MYH14: variants seen among roughly 807,000 people sequenced by gnomAD.
MYH14 encodes the protein myosin-14.
MYH14 carries 123 observed loss-of-function variants against 255.5 expected under a neutral mutation model. The observed-to-expected ratio is 0.48, with a 90% CI of 0.42 to 0.56. The LOEUF is 0.56. Ranked by LOEUF, MYH14 falls within the 20% of genes least tolerant of loss-of-function variation. The pLI, the probability that MYH14 is intolerant of heterozygous loss-of-function variation, is 0.00. For synonymous variants in MYH14, 1,095 were observed against 1,161.2 expected (o/e 0.94, Z 1.16); for missense variants, 2,423 against 2,802.3 (o/e 0.86, Z 3.06).
At chr19:50,243,756 C>T (rs1030488824) in intron 10 of MYH14, among the ~76,000 whole-genome samples, 1 of 152,228 alleles carries the variant, frequency 6.6e-6, no homozygotes, top group Non-Finnish European at 1.5e-5. Context: ...TCCTGTTTTT[C>T]ACTCATTGTG....
At chr19:50,275,789 G>T (rs915315028) in intron 27 of MYH14, among the ~76,000 whole-genome samples, 3 of 152,232 alleles carry the variant, frequency 2.0e-5, no homozygotes, top group Non-Finnish European at 4.4e-5. Context: ...CTGCACCACT[G>T]CACTCCAGCA....
intron 39 of MYH14, among the ~76,000 whole-genome samples, chr19:50,300,963 A>T (rs546333912): frequency 6.6e-6 from 1 of 151,356 alleles, no homozygotes; most frequent in South Asian, 2.1e-4. Flanking sequence ...AAAAAAAAAA[A>T]CCCCACAAAG....
At chr19:50,284,072 C>CA (rs1197438714) in intron 33 of MYH14, among the ~76,000 whole-genome samples, 2 of 130,066 alleles carry the variant, frequency 1.5e-5, no homozygotes, top group African/African-American at 3.1e-5. Flanking sequence ...AACTCTGTCT[C>CA]AAAAAAACAA....
intron 27 of MYH14, among the ~76,000 whole-genome samples, chr19:50,275,324 AAGG>A (rs2035464410): frequency 6.6e-6 from 1 of 152,162 alleles, no homozygotes; most frequent in African/African-American, 2.4e-5. Flanking sequence ...TGAGAGCTGT[AAGG>A]AGGGACTCCG....
At position 50,263,267 on chromosome 19, in the gene MYH14, C is replaced by A. The variant is rs368639905; in HGVS notation, c.2586-45C>A. The A allele has an allele frequency of 2.2e-4, 281 of 1,272,920 alleles. 2 individuals carry two copies. The highest frequency in any genetic ancestry group is 7.5e-5 in the Non-Finnish European group (70 of 935,252). The allele number at this position is 1,272,920 out of a possible 1,614,324, so 78.9% of individuals were successfully genotyped here. A position where few individuals can be genotyped will look rare whatever the true frequency, so the allele number is the denominator to read the frequency against. On this transcript the variant is annotated intron_variant, in intron 21 of 42. Transcript: ENST00000642316. ...CTTGGCTCTCTTGCTAAGGGGATGG[C>A]GCCTGGAGGCTCCCACTCTGCCCCT...
At chr19:50,286,892 C>T (rs566268908) in intron 34 of MYH14, among the ~76,000 whole-genome samples, 198 bp downstream of exon 34, 6 of 152,218 alleles carry the variant, frequency 3.9e-5, no homozygotes, top group South Asian at 4.1e-4. Flanking sequence ...CCAAGGTGGG[C>T]GGATCACCTG....
chr19:50,300,820 G>A (rs2123476344), intron 39 of MYH14, among the ~76,000 whole-genome samples: 1 of 152,250 alleles, frequency 6.6e-6, no homozygotes, highest in African/African-American at 2.4e-5. Flanking sequence ...CTACTCAGGA[G>A]GCTGAAGTGG....
At position 50,250,132 on chromosome 19, in the gene MYH14, G is replaced by A. The variant is rs545255623; in HGVS notation, c.1656+309G>A. Among the ~76,000 whole-genome samples the A allele has an allele frequency of 5.9e-5, 9 of 152,202 alleles. No individual in the cohort carries two copies. Among genetic ancestry groups the A allele is most frequent in the Admixed American group, 1.3e-4 (2 of 15,288 alleles). On this transcript the variant is annotated intron_variant, in intron 14 of 42. Transcript: ENST00000642316. This position sits in a 1 kb window ranked among gnomAD's most constrained non-coding sequence, Gnocchi z 5.4. ...TGTTTTTTTCTTGAGACGGAGTCTC[G>A]CTCTATCGCCCAGGCTGGAGTGCAG... is the stretch of plus-strand genomic sequence containing the variant.
chr19:50,302,897 G>A (rs868596286), intron 40 of MYH14, among the ~76,000 whole-genome samples: 14 of 151,252 alleles, frequency 9.3e-5, no homozygotes, highest in South Asian at 2.1e-4. Flanking sequence ...GTGAAACTCC[G>A]CCTCAAAAAG....
intron 2 of MYH14, among the ~76,000 whole-genome samples, chr19:50,215,304 A>G (rs952628882): frequency 6.6e-6 from 1 of 152,132 alleles, no homozygotes; most frequent in African/African-American, 2.4e-5. Context: ...CCTCCCAGGG[A>G]ATGTGGTCCG....
At chr19:50,298,726 A>G (rs1418274486) in intron 39 of MYH14, among the ~76,000 whole-genome samples, 1 of 150,624 alleles carries the variant, frequency 6.6e-6, no homozygotes, top group Non-Finnish European at 1.5e-5. Flanking sequence ...ACTCCAGCCT[A>G]GGCAACAGAG....
rs71180680 is a variant in MYH14 at position 50,210,096 on chromosome 19, C to CAAAAAAA, written c.-3-241_-3-235dup. On this transcript the variant is annotated intron_variant, in intron 1 of 42. Coordinates refer to ENST00000642316, the MANE Select transcript of MYH14 (RefSeq NM_001145809.2). ...CTGGGCAACAAGCGAGACTCCGTCT[C>CAAAAAAA]AAAAAAAAAAAAAAAAAAAAAAAAA... 3.5e-4 allele frequency among the ~76,000 whole-genome samples: 21 copies of CAAAAAAA among 59,630 alleles called. 1 individual carries two copies. The highest frequency in any genetic ancestry group is 8.4e-4 in the African/African-American group (14 of 16,688). The allele number at this position is 59,630 out of a possible 152,430, so 39.1% of individuals were successfully genotyped here.
chr19:50,209,050 T>C (rs1414466804), intron 1 of MYH14, among the ~76,000 whole-genome samples: 3 of 152,156 alleles, frequency 2.0e-5, no homozygotes, highest in African/African-American at 7.2e-5. Flanking sequence ...TATTTTTTAA[T>C]TAATAAATTT....
rs552658747 is a variant in MYH14 at position 50,270,930 on chromosome 19, G to A, written c.3034-479G>A. ...AGGATGGTCTCGATCTGCTGACCTC[G>A]TGATCCGCCTGCCTTGGCCTCCCAA... On this transcript the variant is annotated intron_variant, in intron 24 of 42. Transcript: ENST00000642316. Among the ~76,000 whole-genome samples the A allele has an allele frequency of 2.0e-5, 3 of 152,266 alleles. No individual in the cohort carries two copies. The South Asian group carries it at 6.2e-4, about 32-fold the overall frequency.
chr19:50,292,228 G>C (rs772175355), intron 36 of MYH14, 33 bp from the exon 37 acceptor site: 5 of 1,571,664 alleles, frequency 3.2e-6, no homozygotes, highest in Admixed American at 1.8e-5. Flanking sequence ...GTGTGGCCAG[G>C]CTGAGCCCAT....
chr19:50,296,784 G>A (rs935787090), intron 39 of MYH14, among the ~76,000 whole-genome samples: 6 of 152,336 alleles, frequency 3.9e-5, no homozygotes, highest in South Asian at 2.1e-4. Flanking sequence ...AGAGCCTCGC[G>A]CTGGCCCAAA....
chr19:50,252,210 C>T lies in MYH14; in HGVS notation c.1831-429C>T, dbSNP rs57145011. On this transcript the variant is annotated intron_variant, in intron 15 of 42. Coordinates refer to ENST00000642316, the MANE Select transcript of MYH14 (RefSeq NM_001145809.2). This position sits in a 1 kb window ranked among gnomAD's most constrained non-coding sequence, Gnocchi z 4.2. The stretch of plus-strand genomic sequence containing the variant: ...GGGGCACATATGCAGAGAATTGTAG[C>T]GGCCAAGATCGTGACTCTATGGAGC... Among the ~76,000 whole-genome samples the T allele has an allele frequency of 5.3e-5, 8 of 152,152 alleles. No homozygotes were observed. The East Asian group carries it at 1.2e-3, about 22-fold the overall frequency.
rs1601078006 is a variant in MYH14 at position 50,307,106 on chromosome 19, G to A, written c.5736G>A (p.Val1912=). ...GAGCTGAGAAGCGGCTTAAAGAGGT[G>A]GTGCTCCAGGTGGAGGAGGAGCGGA... ...VRRAEKRLKE[V]VLQVEEERRV... is the part of the protein sequence containing the mutation. Residue 1912 remains valine, a synonymous_variant, in exon 41 of 43, where the codon GTG becomes GTA. Coordinates refer to ENST00000642316, the MANE Select transcript of MYH14 (RefSeq NM_001145809.2). 6.4e-7 allele frequency: 1 copy of A among 1,550,748 alleles called. No individual in the cohort carries two copies. The highest frequency in any genetic ancestry group is 2.4e-5 in the East Asian group (1 of 40,918).
Position 50,293,833 on chromosome 19 carries a change from G to T in MYH14, c.5469+146G>T. The T allele has an allele frequency of 2.4e-6, 2 of 838,364 alleles. No homozygotes were observed. The highest frequency in any genetic ancestry group is 1.8e-6 in the Non-Finnish European group (1 of 570,730). 51.9% of individuals were successfully genotyped at this position (838,364 alleles called of 1,614,324 possible). Reference sequence around the variant, plus strand: ...TAGGAGTTCTTAAAAGGGTTGAAAGGCATGATTCACTTGTATTTCTGAGGG... The same window carrying T: ...TAGGAGTTCTTAAAAGGGTTGAAAGTCATGATTCACTTGTATTTCTGAGGG... On this transcript the variant is annotated intron_variant, in intron 39 of 42. Transcript: ENST00000642316. This position sits in a 1 kb window ranked among gnomAD's most constrained non-coding sequence, Gnocchi z 4.1.
Sources: allele counts gnomAD v4.1 joint callset (sites outside exome capture counted in the v4.1 genomes callset), GRCh38; gene constraint gnomAD v4.1.1; non-coding constraint Gnocchi (gnomAD v3.1); transcripts MANE v1.5; gene names NCBI Gene and HGNC (gene_info 2026-07-23, HGNC 2026-07-21).